Variants in DYNC2LI1 observed in about 807,000 individuals in gnomAD.
The protein encoded by DYNC2LI1 is dynein cytoplasmic 2 light intermediate chain 1.
DYNC2LI1 carries 45 observed loss-of-function variants against 51.9 expected under a neutral mutation model. The ratio of observed to expected loss-of-function variants is 0.87; its 90% CI spans 0.68 to 1.11. DYNC2LI1 has a LOEUF of 1.11. Among genes scored for constraint, DYNC2LI1 ranks in the 50% most tolerant of loss-of-function variants. The pLI is 0.00. For synonymous variants in DYNC2LI1, 130 were observed against 137.8 expected, an observed-to-expected ratio of 0.94 and a Z score of 0.40; for missense variants, 490 against 417.4, an observed-to-expected ratio of 1.17 and a Z score of -1.51.
chr2:43,786,527 C>T (rs1361559575), intron 3 of DYNC2LI1, among the ~76,000 whole-genome samples: 1 of 152,078 alleles, frequency 6.6e-6, no homozygotes, highest in Admixed American at 6.6e-5. Context: ...AGGTTCCTCA[C>T]ATCAGGGCTG....
At chr2:43,785,765 A>G (rs13388559) in intron 3 of DYNC2LI1, among the ~76,000 whole-genome samples, 17,713 of 151,864 alleles carry the variant, frequency 0.12, 1,317 homozygotes, top group Admixed American at 0.21. Context: ...TGAGATATCT[A>G]AAATAATCAA....
chr2:43,822,581 CT>C, the DYNC2LI1 span: 3 of 984,836 alleles, frequency 3.0e-6, no homozygotes, highest in Non-Finnish European at 3.6e-6. Flanking sequence ...CACATGTCAT[CT>C]TGTTGGTTTG....
downstream of DYNC2LI1, chr2:43,814,612 T>A: frequency 7.2e-7 from 1 of 1,394,482 alleles, no homozygotes; most frequent in African/African-American, 1.4e-5. Flanking sequence ...AAAACAAAAA[T>A]GAAATTCAGT....
the DYNC2LI1 span, among the ~76,000 whole-genome samples, chr2:43,823,560 T>C: frequency 6.6e-6 from 1 of 152,098 alleles, no homozygotes; most frequent in Non-Finnish European, 1.5e-5. Context: ...AAAGAGAAGC[T>C]AACGGTACAA....
downstream of DYNC2LI1, chr2:43,814,594 A>G (rs1666697124): frequency 6.5e-7 from 1 of 1,546,862 alleles, no homozygotes; most frequent in Non-Finnish European, 8.9e-7. Context: ...ATGTTTCTTA[A>G]GAAAAAGAAA....
chr2:43,782,548 A>T (rs375267784), intron 2 of DYNC2LI1, among the ~76,000 whole-genome samples: 6 of 122,306 alleles, frequency 4.9e-5, no homozygotes, highest in South Asian at 5.2e-4. Context: ...TCTTTTCTTT[A>T]AAAAAAAAAA....
chr2:43,823,820 A>G, the DYNC2LI1 span: 1 of 1,448,474 alleles, frequency 6.9e-7, no homozygotes, highest in Non-Finnish European at 9.4e-7. Flanking sequence ...CTCAGAGAAA[A>G]ACCCTTATAA....
chr2:43,792,705 T>A (rs1251526835), intron 5 of DYNC2LI1: 5 of 1,548,866 alleles, frequency 3.2e-6, no homozygotes, highest in Non-Finnish European at 3.5e-6. Flanking sequence ...CTACTGCCTG[T>A]CTCTATGAAT....
intron 12 of DYNC2LI1, among the ~76,000 whole-genome samples, chr2:43,807,396 T>C (rs1666301495): frequency 6.6e-6 from 1 of 152,184 alleles, no homozygotes. Context: ...TTTAAGGGAA[T>C]GCGAATGTGG....
At chr2:43,801,312 C>T (rs2104708719) in intron 9 of DYNC2LI1, 1 of 173,770 alleles carries the variant, frequency 5.8e-6, no homozygotes. Context: ...TCCCACACTT[C>T]AGTAGCTTCC....
At position 43,795,966 on chromosome 2, in the gene DYNC2LI1, C is replaced by A; in HGVS notation, c.576+8C>A. The A allele has an allele frequency of 6.2e-7, 1 of 1,608,644 alleles. No individual in the cohort carries two copies. The highest frequency in any genetic ancestry group is 1.1e-5 in the South Asian group (1 of 90,924). ...AAATATGATGTTTTTCAGGTAAGCT[C>A]TTCCGCTTCTAGCTGAGTTTGTTGT... On this transcript the variant is annotated splice_region_variant and intron_variant, in intron 7 of 12. Transcript: ENST00000260605.
downstream of DYNC2LI1, among the ~76,000 whole-genome samples, chr2:43,811,482 T>C (rs569630409): frequency 2.0e-4 from 31 of 152,232 alleles, no homozygotes; most frequent in African/African-American, 7.5e-4. Flanking sequence ...TCATGCGCTC[T>C]CTACCATATT....
At chr2:43,822,923 C>T in the DYNC2LI1 span, 29 of 1,613,956 alleles carry the variant, frequency 1.8e-5, no homozygotes, top group East Asian at 4.0e-4. Context: ...GCTGACAGCT[C>T]GCAGCACGGG....
chr2:43,818,930 GA>G, the DYNC2LI1 span, among the ~76,000 whole-genome samples: 45 of 152,256 alleles, frequency 3.0e-4, no homozygotes, highest in East Asian at 8.3e-3. Context: ...GCAAGTGGTA[GA>G]GGAAGTTTCT....
downstream of DYNC2LI1, among the ~76,000 whole-genome samples, chr2:43,814,118 G>A (rs115059480): frequency 5.4e-3 from 823 of 152,226 alleles, 8 homozygotes; most frequent in African/African-American, 0.019. Flanking sequence ...ATTTAGCTAT[G>A]TACGATGTAC....
intron 1 of DYNC2LI1, 71 bp from the exon 2 acceptor site, chr2:43,776,711 C>A (rs1673039729): frequency 2.8e-6 from 2 of 713,098 alleles, no homozygotes; most frequent in Non-Finnish European, 4.7e-6. Context: ...AATAAAATTT[C>A]TCTGAGCTTG....
At chr2:43,803,678 T>C (rs1226393269) in intron 10 of DYNC2LI1, among the ~76,000 whole-genome samples, 1 of 152,108 alleles carries the variant, frequency 6.6e-6, no homozygotes, top group Non-Finnish European at 1.5e-5. Context: ...TAGAACTTAA[T>C]ATACACACAG....
chr2:43,819,999 C>G, the DYNC2LI1 span: 1 of 1,614,112 alleles, frequency 6.2e-7, no homozygotes, highest in Non-Finnish European at 8.5e-7. Flanking sequence ...TTGGACGATA[C>G]CAAGTAGCAC....
In DYNC2LI1 at chr2:43,794,492, A is replaced by T. The variant is rs1276213582; in HGVS notation, c.356A>T (p.Lys119Ile). Reference sequence around the variant, plus strand: ...CTTGTTCTCGTTCTGGATCTTTCAAAACCTAATGATCTCTGGCCCACCATG... The same window carrying T: ...CTTGTTCTCGTTCTGGATCTTTCAATACCTAATGATCTCTGGCCCACCATG... Reference protein sequence around the residue: ...FSLVLVLDLSKPNDLWPTMEN... With the variant: ...FSLVLVLDLSIPNDLWPTMEN... The change falls in exon 6 of 13, where the codon AAA (lysine) becomes ATA (isoleucine). Residue 119 changes from lysine (K) to isoleucine (I), a missense_variant. Physicochemically the swap from Lys to Ile is moderately radical, Grantham distance 102 (BLOSUM62 -3). Transcript: ENST00000260605. 7 of 1,613,718 alleles carry T rather than the reference A, an allele frequency of 4.3e-6. No homozygotes were observed. Among genetic ancestry groups the T allele is most frequent in the Non-Finnish European group, 5.9e-6 (7 of 1,179,916 alleles).
Sources: gnomAD v4.1 joint callset for allele counts (sites outside exome capture counted in the v4.1 genomes callset) on GRCh38, gnomAD v4.1.1 for gene constraint, MANE v1.5 for transcripts, NCBI Gene and HGNC (gene_info 2026-07-23, HGNC 2026-07-21) for gene names.